The following CACNA2D1 variants were observed in gnomAD, a reference collection of about 807,000 sequenced individuals.
CACNA2D1 encodes calcium voltage-gated channel auxiliary subunit alpha2delta 1.
A neutral mutation model predicts 171.5 loss-of-function variants in CACNA2D1; 53 were observed. That is an observed-to-expected ratio of 0.31 (90% CI 0.25 to 0.39). The LOEUF is 0.39. CACNA2D1 is among the 10% of genes least tolerant of loss of function. The probability of loss-of-function intolerance (pLI) is 1.00; values close to 1 mark genes in which losing one functional copy is unlikely to be tolerated. For synonymous variants in CACNA2D1, 442 were observed against 443.1 expected (o/e 1.00, Z 0.03); for missense variants, 903 against 1,299.8 (o/e 0.69, Z 4.69).
intron 5 of CACNA2D1, among the ~76,000 whole-genome samples, chr7:82,124,486 G>A (rs976701605): frequency 6.6e-6 from 1 of 152,066 alleles, no homozygotes; most frequent in Admixed American, 6.6e-5. Context: ...ACTGACTGCA[G>A]GCCAAATCTT....
At chr7:82,047,528 G>C (rs1463813388) in intron 10 of CACNA2D1, among the ~76,000 whole-genome samples, 1 of 152,128 alleles carries the variant, frequency 6.6e-6, no homozygotes, top group East Asian at 1.9e-4. Context: ...GAGTGAGGAT[G>C]ACTGGCCACA....
intron 3 of CACNA2D1, among the ~76,000 whole-genome samples, chr7:82,308,297 T>C (rs182865650): frequency 9.9e-4 from 151 of 152,256 alleles, no homozygotes; most frequent in African/African-American, 3.5e-3. Context: ...AAAAATGTAC[T>C]GAAAAGAAAC....
At chr7:82,106,009 A>G (rs151012585) in intron 6 of CACNA2D1, among the ~76,000 whole-genome samples, 151 of 152,316 alleles carry the variant, frequency 9.9e-4, no homozygotes, top group Non-Finnish European at 2.0e-3. Flanking sequence ...TAAAATTTAC[A>G]TATAACTTCA....
At chr7:82,408,407 C>T (rs1450607097) in intron 1 of CACNA2D1, among the ~76,000 whole-genome samples, 1 of 152,006 alleles carries the variant, frequency 6.6e-6, no homozygotes, top group Non-Finnish European at 1.5e-5. Context: ...CTTTTGAGAC[C>T]AGAATGGCTG....
intron 1 of CACNA2D1, among the ~76,000 whole-genome samples, chr7:82,350,855 T>C (rs982331331): frequency 1.3e-5 from 2 of 152,214 alleles, no homozygotes; most frequent in African/African-American, 2.4e-5. Flanking sequence ...GATCGAAGGA[T>C]TGATCTTTTT....
Position 82,377,021 on chromosome 7 carries a change from G to A in CACNA2D1, c.96-27372C>T, listed in dbSNP as rs1213388722. Among the ~76,000 whole-genome samples the A allele has an allele frequency of 3.3e-5, 5 of 152,186 alleles. No individual in the cohort carries two copies. In the South Asian group the frequency reaches 1.0e-3, roughly 32 times the overall value. ...ACTTCAAAACTGTTCTCTAATGCAA[G>A]GATTATTGATAGAAGCTTCTTGTGC... On this transcript the variant is annotated intron_variant, in intron 1 of 38. Transcript: ENST00000356860.
intron 18 of CACNA2D1, among the ~76,000 whole-genome samples, chr7:81,998,253 ATTT>A (rs1247299015): frequency 6.6e-6 from 1 of 151,998 alleles, no homozygotes; most frequent in Non-Finnish European, 1.5e-5. Context: ...TAGAAACTGA[ATTT>A]TTAATTTTTA....
In CACNA2D1 at chr7:82,066,489, T is replaced by C; in HGVS notation, c.694A>G (p.Lys232Glu). The C allele has an allele frequency of 6.2e-7, 1 of 1,608,842 alleles. No homozygotes were observed. The highest frequency in any genetic ancestry group is 1.7e-5 in the Admixed American group (1 of 59,620). Residue 232 changes from lysine to glutamate, a missense_variant, in exon 8 of 39, where the codon AAG becomes GAG. By Grantham distance (56) the Lys-to-Glu change is moderately conservative. Coordinates refer to ENST00000356860, the MANE Select transcript of CACNA2D1 (RefSeq NM_000722.4). ...PWVDNSRTPN[K>E]IDLYDVRRRP... is the part of the protein sequence containing the mutation. Reference sequence around the variant, plus strand: ...CTGCGTACATCATAAAGGTCAATCTTATTTGGAGTTCTACTATTATCAACC... The same window carrying C: ...CTGCGTACATCATAAAGGTCAATCTCATTTGGAGTTCTACTATTATCAACC...
At chr7:82,395,031 C>G (rs555445925) in intron 1 of CACNA2D1, among the ~76,000 whole-genome samples, 1 of 152,018 alleles carries the variant, frequency 6.6e-6, no homozygotes, top group Non-Finnish European at 1.5e-5. Context: ...TTGTTAGTTG[C>G]TACTATCTCC....
intron 3 of CACNA2D1, among the ~76,000 whole-genome samples, chr7:82,295,731 T>C (rs73374397): frequency 0.082 from 12,260 of 149,892 alleles, 1,655 homozygotes; most frequent in African/African-American, 0.28. Context: ...AAAAAAAAAG[T>C]GTGAGGATAC....
intron 3 of CACNA2D1, among the ~76,000 whole-genome samples, chr7:82,284,938 A>T (rs1229024282): frequency 6.6e-6 from 1 of 152,006 alleles, no homozygotes; most frequent in Non-Finnish European, 1.5e-5. Flanking sequence ...AGCCCCAACA[A>T]ACAGATTTTT....
At chr7:82,345,927 T>C (rs532671401) in intron 2 of CACNA2D1, among the ~76,000 whole-genome samples, 1 of 152,262 alleles carries the variant, frequency 6.6e-6, no homozygotes, top group East Asian at 1.9e-4. Flanking sequence ...TCCTCCACTA[T>C]TGGTTCTGTC....
At chr7:82,320,543 C>T (rs2129437988) in intron 3 of CACNA2D1, among the ~76,000 whole-genome samples, 1 of 151,290 alleles carries the variant, frequency 6.6e-6, no homozygotes, top group Admixed American at 6.6e-5. Flanking sequence ...TCCTGAGGAG[C>T]TGAGACTACA....
chr7:82,186,261 A>AGGAC, intron 3 of CACNA2D1, among the ~76,000 whole-genome samples: 1 of 140,458 alleles, frequency 7.1e-6, no homozygotes, highest in Non-Finnish European at 1.6e-5. Context: ...GAAGAAAGGA[A>AGGAC]GGAAGGAAGG....
chr7:82,170,705 T>C (rs756454134), intron 3 of CACNA2D1, 96 bp from the exon 4 acceptor site: 141 of 1,078,800 alleles, frequency 1.3e-4, no homozygotes, highest in Non-Finnish European at 1.8e-4. Flanking sequence ...TTTGAGGACA[T>C]AAAAAGCAGA....
intron 38 of CACNA2D1, among the ~76,000 whole-genome samples, chr7:81,956,029 C>T (rs1427145655): frequency 8.7e-6 from 1 of 114,422 alleles, no homozygotes; most frequent in Non-Finnish European, 1.6e-5. Context: ...GCTCTGTGAT[C>T]TAGGCTGGAG....
chr7:81,995,882 C>A (rs564510324), intron 19 of CACNA2D1, among the ~76,000 whole-genome samples: 1 of 151,004 alleles, frequency 6.6e-6, no homozygotes, highest in African/African-American at 2.4e-5. Context: ...GTTTCCTCAA[C>A]TTATTTTTTA....
At chr7:82,178,055 T>C (rs1216055738) in intron 3 of CACNA2D1, among the ~76,000 whole-genome samples, 1 of 152,150 alleles carries the variant, frequency 6.6e-6, no homozygotes, top group Non-Finnish European at 1.5e-5. Flanking sequence ...AATTTCTCTT[T>C]CTAGCCTAAG....
At chr7:82,394,258 A>C (rs111643951) in intron 1 of CACNA2D1, among the ~76,000 whole-genome samples, 10,426 of 152,082 alleles carry the variant, frequency 0.069, 1,178 homozygotes, top group African/African-American at 0.24. Context: ...TCTTCTTTAT[A>C]AATCTTATAG....
Sources: gnomAD v4.1 joint callset for allele counts (sites outside exome capture counted in the v4.1 genomes callset) on GRCh38, gnomAD v4.1.1 for gene constraint, MANE v1.5 for transcripts, NCBI Gene and HGNC (gene_info 2026-07-23, HGNC 2026-07-21) for gene names.